Variants in GGACT observed in about 807,000 individuals in gnomAD.
GGACT encodes gamma-glutamylaminecyclotransferase.
For missense variants in GGACT, 241 were observed against 233.2 expected, an observed-to-expected ratio of 1.03 and a Z score of -0.22; for synonymous variants, 118 against 115.3, an observed-to-expected ratio of 1.02 and a Z score of -0.15.
Position 100,530,389 on chromosome 13 carries a change from T to G in GGACT, c.*1741A>C, listed in dbSNP as rs1046827974. On this transcript the variant is annotated 3_prime_UTR_variant, in exon 3 of 3. Transcript: ENST00000683975. ...TATGATTTGTACTTCTGCTGTGAGA[T>G]TCCCTAGTGTCAAAATTAAATCAAT... 16 of 602,452 alleles carry G rather than the reference T, an allele frequency of 2.7e-5. No homozygotes were observed. Among genetic ancestry groups the G allele is most frequent in the Non-Finnish European group, 4.7e-5 (16 of 338,194 alleles). 37.3% of individuals were successfully genotyped at this position (602,452 alleles called of 1,614,324 possible).
chr13:100,584,200 A>T (rs1387590071), intron 1 of GGACT, among the ~76,000 whole-genome samples: 1 of 152,206 alleles, frequency 6.6e-6, no homozygotes, highest in Non-Finnish European at 1.5e-5. Flanking sequence ...TGCCTTGAAT[A>T]GAGGAACCTT....
intron 1 of GGACT, among the ~76,000 whole-genome samples, chr13:100,585,293 G>T (rs1262077286): frequency 6.6e-6 from 1 of 152,184 alleles, no homozygotes; most frequent in Non-Finnish European, 1.5e-5. Flanking sequence ...AAACACAAAA[G>T]CTTTGGAAAT....
chr13:100,557,272 T>C (rs559117911), intron 2 of GGACT, among the ~76,000 whole-genome samples: 1 of 152,318 alleles, frequency 6.6e-6, no homozygotes, highest in East Asian at 1.9e-4. Context: ...TGCATTAAGG[T>C]TGATGGAACA....
intron 2 of GGACT, among the ~76,000 whole-genome samples, chr13:100,579,287 G>T (rs1454481064): frequency 6.6e-6 from 1 of 152,110 alleles, no homozygotes; most frequent in East Asian, 1.9e-4. Context: ...CACCCCCAGG[G>T]TACGGAGGCA....
At chr13:100,550,108 T>C (rs1245956422) in intron 2 of GGACT, among the ~76,000 whole-genome samples, 1 of 152,108 alleles carries the variant, frequency 6.6e-6, no homozygotes, top group Admixed American at 6.5e-5. Flanking sequence ...CTACAGCCCC[T>C]GCACAGAGTG....
intron 2 of GGACT, among the ~76,000 whole-genome samples, chr13:100,581,024 G>A (rs1472889025): frequency 6.6e-6 from 1 of 152,236 alleles, no homozygotes; most frequent in Non-Finnish European, 1.5e-5. Context: ...AGAGACAGCA[G>A]GGAAAACGCA....
rs1295020398 is a variant in GGACT at position 100,530,898 on chromosome 13, G to A, written c.*1232C>T. ...TGGGCTGCCTCACCGCCCTCATCAA[G>A]CACAGGGCCGCCACGAGCTCATCAG... On this transcript the variant is annotated 3_prime_UTR_variant, in exon 3 of 3. Transcript: ENST00000683975. The A allele has an allele frequency of 6.6e-6, 1 of 152,658 alleles. No individual in the cohort carries two copies. The highest frequency in any genetic ancestry group is 2.4e-5 in the African/African-American group (1 of 41,464). 9.5% of individuals were successfully genotyped at this position (152,658 alleles called of 1,614,324 possible).
intron 2 of GGACT, among the ~76,000 whole-genome samples, chr13:100,554,129 A>C (rs1306347142): frequency 6.6e-6 from 1 of 152,206 alleles, no homozygotes; most frequent in Admixed American, 6.5e-5. Context: ...CAAAGGCTTC[A>C]TGGACATTGC....
Position 100,560,861 on chromosome 13 carries a change from C to G in GGACT, c.-11+22964G>C, listed in dbSNP as rs373586309. Among the ~76,000 whole-genome samples the G allele has an allele frequency of 8.5e-5, 13 of 152,358 alleles. No individual in the cohort carries two copies. The South Asian group carries it at 1.2e-3, about 15-fold the overall frequency. ...TTTCTAAAGAACCAGGACACATGCTCTAGCAAGACGGATGTGTGGGGCAAA... is the reference window on the plus strand; with the variant it reads ...TTTCTAAAGAACCAGGACACATGCTGTAGCAAGACGGATGTGTGGGGCAAA... On this transcript the variant is annotated intron_variant, in intron 2 of 2. Coordinates refer to ENST00000683975, the MANE Select transcript of GGACT (RefSeq NM_001195087.2).
At position 100,565,336 on chromosome 13, in the gene GGACT, C is replaced by A. The variant is rs191861565; in HGVS notation, c.-11+18489G>T. ...ATTAGTTGGTATTTTAAAGCCTGGT[C>A]CAGTCAACCTACCTGACAACGTTAA... is the stretch of plus-strand genomic sequence containing the variant. On this transcript the variant is annotated intron_variant, in intron 2 of 2. Transcript: ENST00000683975. 8.7e-4 allele frequency among the ~76,000 whole-genome samples: 132 copies of A among 152,284 alleles called. No individual in the cohort carries two copies. In the South Asian group the frequency reaches 0.01, roughly 12 times the overall value.
At chr13:100,555,963 G>C (rs1159262224) in intron 2 of GGACT, among the ~76,000 whole-genome samples, 2 of 152,118 alleles carry the variant, frequency 1.3e-5, no homozygotes, top group Admixed American at 6.6e-5. Context: ...CTAGCAAACT[G>C]GAAATCAAAG....
At chr13:100,549,207 G>A (rs542548873) in intron 2 of GGACT, among the ~76,000 whole-genome samples, 41 of 152,248 alleles carry the variant, frequency 2.7e-4, no homozygotes, top group African/African-American at 9.1e-4. Context: ...CAGATGTGGT[G>A]GGTGCCTGTA....
At chr13:100,549,845 T>A (rs2088640695) in intron 2 of GGACT, among the ~76,000 whole-genome samples, 1 of 152,188 alleles carries the variant, frequency 6.6e-6, no homozygotes, top group South Asian at 2.1e-4. Flanking sequence ...CATGAGCACA[T>A]ACACACAATG....
chr13:100,548,483 T>A (rs780913497), intron 2 of GGACT, among the ~76,000 whole-genome samples: 2 of 152,234 alleles, frequency 1.3e-5, no homozygotes, highest in Non-Finnish European at 2.9e-5. Flanking sequence ...GATGAGAATA[T>A]GTAAGAATAG....
intron 2 of GGACT, among the ~76,000 whole-genome samples, chr13:100,554,384 A>G (rs1009592316): frequency 6.6e-6 from 1 of 152,202 alleles, no homozygotes; most frequent in African/African-American, 2.4e-5. Context: ...AATGATTATA[A>G]GACAGTTTAT....
chr13:100,564,167 T>C (rs913784861), intron 2 of GGACT, among the ~76,000 whole-genome samples: 2 of 152,208 alleles, frequency 1.3e-5, no homozygotes, highest in African/African-American at 4.8e-5. Flanking sequence ...ACATTTCAAA[T>C]AAAATACAGT....
chr13:100,547,953 C>T (rs983542760), intron 2 of GGACT, among the ~76,000 whole-genome samples: 2 of 152,252 alleles, frequency 1.3e-5, no homozygotes, highest in African/African-American at 4.8e-5. Flanking sequence ...GAAGACGGTG[C>T]AGCAATCACA....
chr13:100,556,771 T>C (rs1028072302), intron 2 of GGACT, among the ~76,000 whole-genome samples: 15 of 152,332 alleles, frequency 9.8e-5, no homozygotes, highest in Non-Finnish European at 1.8e-4. Flanking sequence ...ATGTAACCCA[T>C]AAATATACAC....
intron 1 of GGACT, among the ~76,000 whole-genome samples, chr13:100,587,362 A>G (rs1875610489): frequency 6.6e-6 from 1 of 152,214 alleles, no homozygotes; most frequent in South Asian, 2.1e-4. Context: ...TGGTTAGTAA[A>G]ATCAACTAGC....
Sources: gnomAD v4.1 joint callset for allele counts (sites outside exome capture counted in the v4.1 genomes callset) on GRCh38, gnomAD v4.1.1 for gene constraint, MANE v1.5 for transcripts, NCBI Gene and HGNC (gene_info 2026-07-23, HGNC 2026-07-21) for gene names.